The following LAMA2 variants were observed in gnomAD, a reference collection of about 807,000 sequenced individuals.
The protein encoded by LAMA2 is laminin subunit alpha 2, also known as laminin subunit alpha-2.
In LAMA2, 269 loss-of-function variants were observed where a neutral mutation model predicts 364.8. That is an observed-to-expected ratio of 0.74 (90% CI 0.67 to 0.82). The LOEUF is 0.82. LAMA2 is among the 40% of genes least tolerant of loss of function. The pLI is 0.00. For missense variants in LAMA2, 3,807 were observed against 3,873.2 expected (o/e 0.98, Z 0.45); for synonymous variants, 1,379 against 1,370.6 (o/e 1.01, Z -0.14).
At chr6:129,498,670 A>AAATT (rs1554312999) in intron 58 of LAMA2, among the ~76,000 whole-genome samples, 2 of 152,192 alleles carry the variant, frequency 1.3e-5, no homozygotes, top group Admixed American at 6.5e-5. Context: ...TTTATTAGAG[A>AAATT]AATTAATTAT....
At chr6:128,911,343 G>C (rs374295633) in intron 1 of LAMA2, among the ~76,000 whole-genome samples, 2 of 152,164 alleles carry the variant, frequency 1.3e-5, no homozygotes, top group Admixed American at 6.5e-5. Flanking sequence ...CTCGTGGTTC[G>C]CCGTTTTTTA....
At chr6:129,151,920 A>G (rs576401387) in intron 7 of LAMA2, among the ~76,000 whole-genome samples, 2 of 152,324 alleles carry the variant, frequency 1.3e-5, no homozygotes, top group Non-Finnish European at 2.9e-5. Context: ...CTAAAGATAT[A>G]AAACTGCTTA....
In LAMA2 at chr6:128,969,903, C is replaced by T. The variant is rs1311130904; in HGVS notation, c.113-80015C>T. On this transcript the variant is annotated intron_variant, in intron 1 of 64. Coordinates refer to ENST00000421865, the MANE Select transcript of LAMA2 (RefSeq NM_000426.4). The stretch of plus-strand genomic sequence containing the variant: ...GTTGTGTGAAGATCAAAGCCAAGTA[C>T]AATTGTAGCTCATGTTGCAGTTATT... 7.2e-5 allele frequency among the ~76,000 whole-genome samples: 11 copies of T among 152,178 alleles called. 1 individual carries two copies. The South Asian group carries it at 2.1e-3, about 29-fold the overall frequency.
intron 1 of LAMA2, among the ~76,000 whole-genome samples, chr6:128,954,498 A>C (rs1781022907): frequency 1.3e-5 from 2 of 152,016 alleles, no homozygotes; most frequent in Admixed American, 6.6e-5. Flanking sequence ...ATCAGCAGAC[A>C]ATTGGTAACA....
At chr6:129,060,779 T>C (rs1018183761) in intron 3 of LAMA2, among the ~76,000 whole-genome samples, 15 of 152,112 alleles carry the variant, frequency 9.9e-5, no homozygotes, top group African/African-American at 3.1e-4. Flanking sequence ...ATCTCCCTCC[T>C]CCAGTGTCTA....
chr6:129,138,850 A>G (rs1030379687), intron 4 of LAMA2, among the ~76,000 whole-genome samples: 1 of 152,106 alleles, frequency 6.6e-6, no homozygotes, highest in African/African-American at 2.4e-5. Flanking sequence ...GAGCAGAGGA[A>G]AAGGCCAAGG....
intron 4 of LAMA2, among the ~76,000 whole-genome samples, chr6:129,130,352 G>T (rs1777393233): frequency 6.6e-6 from 1 of 152,212 alleles, no homozygotes; most frequent in Non-Finnish European, 1.5e-5. Context: ...GACAAGAGAA[G>T]TCTGTATATC....
chr6:129,223,288 A>G (rs1213477716), intron 12 of LAMA2, among the ~76,000 whole-genome samples: 1 of 152,098 alleles, frequency 6.6e-6, no homozygotes, highest in Non-Finnish European at 1.5e-5. Flanking sequence ...CCCATTCTGT[A>G]GGTTGCCTGT....
rs1380727315 is a variant in LAMA2, at chr6:129,401,278, G to C, written c.5500G>C (p.Glu1834Gln). ...GKRQIENTLK[E>Q]GNDILDEANR... ...ACGACAAATTGAGAACACTTTAAAA[G>C]AGGGCAATGACATACTCGATGAAGC... Residue 1834 changes from glutamate (E) to glutamine (Q), a missense_variant, in exon 38 of 65, where the codon GAG (glutamate) becomes CAG (glutamine). This residue lies in a region of LAMA2 where 3,333 missense variants were observed against 3,345.7 expected (regional missense o/e 1.00). Transcript: ENST00000421865. 1 of 1,613,220 alleles carries C rather than the reference G, an allele frequency of 6.2e-7. No individual in the cohort carries two copies. Among genetic ancestry groups the C allele is most frequent in the Non-Finnish European group, 8.5e-7 (1 of 1,179,232 alleles).
chr6:129,431,577 A>G (rs1474319432), intron 41 of LAMA2, among the ~76,000 whole-genome samples: 2 of 152,114 alleles, frequency 1.3e-5, no homozygotes, highest in Admixed American at 6.5e-5. Context: ...GTTGGAGAGC[A>G]TGGACCCCTG....
At chr6:129,401,945 T>C (rs4897310) in intron 38 of LAMA2, among the ~76,000 whole-genome samples, 77,038 of 151,984 alleles carry the variant, frequency 0.51, 20,009 homozygotes, top group African/African-American at 0.62. Context: ...CGGTGGCTCA[T>C]GCCTGTAATC....
chr6:129,440,236 C>T (rs1782039044), intron 42 of LAMA2, among the ~76,000 whole-genome samples: 1 of 151,938 alleles, frequency 6.6e-6, no homozygotes, highest in Non-Finnish European at 1.5e-5. Flanking sequence ...ATTTATACAA[C>T]ACAGTTAATA....
At chr6:129,406,217 A>G (rs1413605853) in intron 40 of LAMA2, among the ~76,000 whole-genome samples, 2 of 152,214 alleles carry the variant, frequency 1.3e-5, no homozygotes, top group East Asian at 1.9e-4. Context: ...ACACACATAG[A>G]CAATCAAGAA....
chr6:129,393,025 T>TGGGCTG lies in LAMA2; in HGVS notation c.5235-16_5235-11dup. ...GTGACATGAGCTCATTGTCTATTAT[T>TGGGCTG]GGGCTGGGGGTGGTTACAGAGCTGC... On this transcript the variant is annotated intron_variant, in intron 36 of 64. Transcript: ENST00000421865. 1 of 1,605,592 alleles carries TGGGCTG rather than the reference T, an allele frequency of 6.2e-7. No individual in the cohort carries two copies. Among genetic ancestry groups the TGGGCTG allele is most frequent in the Non-Finnish European group, 8.5e-7 (1 of 1,173,804 alleles).
At chr6:129,129,366 T>C (rs1777310783) in intron 4 of LAMA2, among the ~76,000 whole-genome samples, 6 of 152,246 alleles carry the variant, frequency 3.9e-5, no homozygotes. Context: ...TTAACCTACA[T>C]ACAAATTTGT....
chr6:129,512,576 A>C lies in LAMA2; in HGVS notation c.8988+83A>C, dbSNP rs1020793726. 2.7e-6 allele frequency: 4 copies of C among 1,464,134 alleles called. No homozygotes were observed. In the African/African-American group the frequency reaches 5.6e-5, roughly 20 times the overall value. 90.7% of individuals were successfully genotyped at this position (1,464,134 alleles called of 1,614,324 possible). ...TATCATCCATGTGTGGGAAACTCGA[A>C]TATTTTGAAGCCCGGCTGTATTCTT... On this transcript the variant is annotated intron_variant, in intron 63 of 64. Transcript: ENST00000421865.
At chr6:129,475,830 G>A (rs1054740956) in intron 53 of LAMA2, among the ~76,000 whole-genome samples, 6 of 152,094 alleles carry the variant, frequency 3.9e-5, no homozygotes, top group African/African-American at 7.2e-5. Flanking sequence ...GAATCAAACT[G>A]TGCTCTCACA....
intron 1 of LAMA2, among the ~76,000 whole-genome samples, chr6:128,904,800 G>T (rs1777317732): frequency 6.6e-6 from 1 of 152,166 alleles, no homozygotes. Flanking sequence ...CGGAACTTAG[G>T]CATAGTAACA....
chr6:128,917,915 T>C (rs1468961367), intron 1 of LAMA2, among the ~76,000 whole-genome samples: 1 of 151,722 alleles, frequency 6.6e-6, no homozygotes. Context: ...TCTATTTTTT[T>C]TGTAAAGATG....
Sources: gnomAD v4.1 joint callset for allele counts (sites outside exome capture counted in the v4.1 genomes callset) on GRCh38, gnomAD v4.1.1 for gene constraint, gnomAD v4.1.1 regional missense constraint, MANE v1.5 for transcripts, NCBI Gene and HGNC (gene_info 2026-07-23, HGNC 2026-07-21) for gene names.